The following EHMT1 variants were observed in gnomAD, a reference collection of about 807,000 sequenced individuals.
EHMT1 encodes euchromatic histone lysine methyltransferase 1.
In EHMT1, 15 loss-of-function variants were observed where a neutral mutation model predicts 147.2. That is an observed-to-expected ratio of 0.10 (90% CI 0.07 to 0.16). The LOEUF (loss-of-function observed/expected upper bound fraction) is 0.16. Ranked by LOEUF, EHMT1 falls within the 10% of genes least tolerant of loss-of-function variation. The pLI, the probability that EHMT1 is intolerant of heterozygous loss-of-function variation, is 1.00. For missense variants in EHMT1, 1,587 were observed against 1,772.4 expected, an observed-to-expected ratio of 0.90 and a Z score of 1.88; for synonymous variants, 795 against 709.6, an observed-to-expected ratio of 1.12 and a Z score of -1.91.
At chr9:137,651,801 A>G (rs764024008) in intron 1 of EHMT1, among the ~76,000 whole-genome samples, 1 of 151,656 alleles carries the variant, frequency 6.6e-6, no homozygotes, top group Non-Finnish European at 1.5e-5. Context: ...TCAAGAAAAG[A>G]AAAAAAAAGA....
At chr9:137,724,890 G>T (rs1331378288) in intron 3 of EHMT1, among the ~76,000 whole-genome samples, 3,481 of 145,804 alleles carry the variant, frequency 0.024, 134 homozygotes, top group African/African-American at 0.089. Flanking sequence ...TGGCATTCGT[G>T]GGACAGATGT....
chr9:137,641,312 T>A (rs1589084374), intron 1 of EHMT1: 1 of 466,268 alleles, frequency 2.1e-6, no homozygotes, highest in East Asian at 5.9e-5. Flanking sequence ...GGATCATGAC[T>A]CTCATTCAGA....
At chr9:137,669,934 T>C (rs768130842) in intron 1 of EHMT1, among the ~76,000 whole-genome samples, 3 of 152,082 alleles carry the variant, frequency 2.0e-5, no homozygotes, top group Non-Finnish European at 4.4e-5. Context: ...CTCTGCAACC[T>C]CTGCCGCCCG....
In EHMT1 at chr9:137,798,858, C is replaced by T; in HGVS notation, c.2551C>T (p.His851Tyr). ...TCLHLAAKKG[H>Y]YEVVQYLLSN... ...TTTGCACCTGGCTGCCAAGAAAGGC[C>T]ACTACGAAGTGGTCCAGTACCTGCT... is the stretch of plus-strand genomic sequence containing the variant. The change falls in exon 17 of 27, where the codon CAC becomes TAC. Residue 851 changes from histidine (H) to tyrosine (Y), a missense_variant. Physicochemically the swap from His to Tyr is moderately conservative, Grantham distance 83. Coordinates refer to ENST00000460843, the MANE Select transcript of EHMT1 (RefSeq NM_024757.5). The T allele has an allele frequency of 6.2e-7, 1 of 1,614,200 alleles. No homozygotes were observed. The highest frequency in any genetic ancestry group is 1.1e-5 in the South Asian group (1 of 91,080).
intron 9 of EHMT1, among the ~76,000 whole-genome samples, chr9:137,761,607 C>T (rs1949820382): frequency 6.6e-6 from 1 of 152,138 alleles, no homozygotes; most frequent in African/African-American, 2.4e-5. Flanking sequence ...GCATGTGCCC[C>T]ATGCCCAGCT....
chr9:137,648,552 G>C (rs953065505), intron 1 of EHMT1, among the ~76,000 whole-genome samples: 1 of 151,738 alleles, frequency 6.6e-6, no homozygotes, highest in African/African-American at 2.4e-5. Context: ...CAGCTACTTG[G>C]GAGGCTGAGG....
At chr9:137,807,943 GC>G (rs1954088514) in intron 18 of EHMT1, among the ~76,000 whole-genome samples, 1 of 152,228 alleles carries the variant, frequency 6.6e-6, no homozygotes, top group Non-Finnish European at 1.5e-5. Flanking sequence ...TGTAGCCGAT[GC>G]CAGGATGTGG....
chr9:137,830,177 A>G (rs2133064381), intron 25 of EHMT1, among the ~76,000 whole-genome samples: 1 of 151,162 alleles, frequency 6.6e-6, no homozygotes, highest in Non-Finnish European at 1.5e-5. Flanking sequence ...AAACTGCCCC[A>G]TCTTTGGCCA....
At chr9:137,671,520 C>CTTTTTTTTTTTTTT (rs71493689) in intron 1 of EHMT1, among the ~76,000 whole-genome samples, 1 of 105,348 alleles carries the variant, frequency 9.5e-6, no homozygotes, top group Non-Finnish European at 2.0e-5. Context: ...CCTTTTCTTT[C>CTTTTTTTTTTTTTT]TTTTTTTTTT....
intron 18 of EHMT1, among the ~76,000 whole-genome samples, chr9:137,807,633 G>A (rs919338238): frequency 7.2e-5 from 11 of 151,984 alleles, no homozygotes; most frequent in East Asian, 1.9e-4. Context: ...TCAGCCTCCC[G>A]AGTAACTGGA....
chr9:137,806,448 T>A (rs972858734), intron 18 of EHMT1, among the ~76,000 whole-genome samples: 1 of 151,952 alleles, frequency 6.6e-6, no homozygotes, highest in African/African-American at 2.4e-5. Flanking sequence ...CAGCTTTTTT[T>A]TTTTGAAATG....
At chr9:137,706,135 C>T (rs941020116) in intron 1 of EHMT1, among the ~76,000 whole-genome samples, 16 of 152,032 alleles carry the variant, frequency 1.1e-4, no homozygotes, top group Admixed American at 5.2e-4. Flanking sequence ...CATGGCAGGG[C>T]AGGGCATGCA....
At chr9:137,656,174 G>C (rs1269299644) in intron 1 of EHMT1, among the ~76,000 whole-genome samples, 1 of 152,166 alleles carries the variant, frequency 6.6e-6, no homozygotes, top group Non-Finnish European at 1.5e-5. Context: ...GAGGTCAGGA[G>C]TTAGAGACCA....
intron 1 of EHMT1, among the ~76,000 whole-genome samples, chr9:137,619,411 G>C (rs1229889887): frequency 6.6e-6 from 1 of 151,990 alleles, no homozygotes; most frequent in Non-Finnish European, 1.5e-5. Flanking sequence ...GCCTCGGCCA[G>C]GGTGCCGGGG....
rs398124406 is a variant in EHMT1, at chr9:137,798,816, G to A, written c.2509G>A (p.Ala837Thr). The change falls in exon 17 of 27, where the codon GCA becomes ACA. Residue 837 changes from alanine (A) to threonine (T), a missense_variant. Physicochemically the swap from Ala to Thr is moderately conservative, Grantham distance 58. Transcript: ENST00000460843. ...KAGALVDPKD[A>T]EGSTCLHLAA... The stretch of plus-strand genomic sequence containing the variant: ...CTAAGTGGCATTTCTGTTGCAGGAC[G>A]CAGAGGGCTCTACGTGTTTGCACCT... 20 of 1,613,716 alleles carry A rather than the reference G, an allele frequency of 1.2e-5. No homozygotes were observed. Among genetic ancestry groups the A allele is most frequent in the East Asian group, 4.5e-5 (2 of 44,888 alleles).
Position 137,752,359 on chromosome 9 carries a change from A to C in EHMT1, c.1199A>C (p.Glu400Ala). 1 of 1,614,222 alleles carries C rather than the reference A, an allele frequency of 6.2e-7. No individual in the cohort carries two copies. Among genetic ancestry groups the C allele is most frequent in the Middle Eastern group, 1.7e-4 (1 of 6,050 alleles). ...KMDGESEEEQ[E>A]SVDTGEEEEG... is the part of the protein sequence containing the mutation. Reference sequence around the variant, plus strand: ...GACGGGGAGTCCGAGGAGGAGCAGGAGTCCGTGGACACCGGGGAGGAGGAG... The same window carrying C: ...GACGGGGAGTCCGAGGAGGAGCAGGCGTCCGTGGACACCGGGGAGGAGGAG... The change falls in exon 7 of 27, where the codon GAG becomes GCG. Residue 400 changes from glutamate (E) to alanine (A), a missense_variant. Glu to Ala is a moderately radical substitution (Grantham distance 107). Transcript: ENST00000460843.
chr9:137,655,438 T>TTA (rs1244049354), intron 1 of EHMT1, among the ~76,000 whole-genome samples: 1 of 152,240 alleles, frequency 6.6e-6, no homozygotes, highest in African/African-American at 2.4e-5. Flanking sequence ...GAATCTTACC[T>TTA]ATGGAGTTTT....
intron 10 of EHMT1, chr9:137,764,171 G>C (rs1361585243): frequency 6.6e-6 from 1 of 152,462 alleles, no homozygotes. Flanking sequence ...TGTGACACGT[G>C]CTTCCCTGTG....
intron 1 of EHMT1, among the ~76,000 whole-genome samples, chr9:137,619,629 A>G (rs1023113226): frequency 5.3e-5 from 8 of 152,104 alleles, no homozygotes; most frequent in Non-Finnish European, 1.2e-4. Context: ...GCTGGCTGTC[A>G]GAAGCAGGAA....
Sources: allele counts gnomAD v4.1 joint callset (sites outside exome capture counted in the v4.1 genomes callset), GRCh38; gene constraint gnomAD v4.1.1; transcripts MANE v1.5; gene names NCBI Gene and HGNC (gene_info 2026-07-23, HGNC 2026-07-21).